The following AKAP7 variants were observed in gnomAD, a reference collection of about 807,000 sequenced individuals.
AKAP7 encodes the protein A-kinase anchoring protein 7.
Under a neutral mutation model 39.5 loss-of-function variants are expected in AKAP7, and 39 were observed. That is an observed-to-expected ratio of 0.99 (90% CI 0.76 to 1.29). AKAP7 has a LOEUF of 1.29. AKAP7 is among the 50% of genes most tolerant of loss of function. The pLI, the probability that AKAP7 is intolerant of heterozygous loss-of-function variation, is 0.00. For missense variants in AKAP7, 414 were observed against 407.7 expected, an observed-to-expected ratio of 1.02 and a Z score of -0.13; for synonymous variants, 140 against 139.1, an observed-to-expected ratio of 1.01 and a Z score of -0.05.
intron 7 of AKAP7, among the ~76,000 whole-genome samples, chr6:131,240,430 A>C (rs941049069): frequency 6.6e-6 from 1 of 152,192 alleles, no homozygotes; most frequent in African/African-American, 2.4e-5. Context: ...AGTCTCTTCA[A>C]AGCTGTCAGA....
chr6:131,224,730 C>CTTTTTT lies in AKAP7; in HGVS notation c.850+4946_850+4951dup, dbSNP rs779047229. ...GTTTGTAAAGTTTCCAGTTGATTCACTTTTTTTTTTTTTTTTTTTTTTTTT... is the reference window on the plus strand; with the variant it reads ...GTTTGTAAAGTTTCCAGTTGATTCACTTTTTTTTTTTTTTTTTTTTTTTTTTTTTTT... On this transcript the variant is annotated intron_variant, in intron 7 of 7. Coordinates refer to ENST00000431975, the MANE Select transcript of AKAP7 (RefSeq NM_016377.4). Among the ~76,000 whole-genome samples the CTTTTTT allele has an allele frequency of 1.3e-3, 72 of 55,110 alleles. 7 individuals are homozygous for CTTTTTT. The highest frequency in any genetic ancestry group is 4.8e-3 in the African/African-American group (66 of 13,686). The allele number at this position is 55,110 out of a possible 152,430, so 36.2% of individuals were successfully genotyped here. A position where few individuals can be genotyped will look rare whatever the true frequency, so the allele number is the denominator to read the frequency against.
intron 5 of AKAP7, among the ~76,000 whole-genome samples, chr6:131,171,648 C>A (rs916922862): frequency 4.6e-5 from 7 of 152,104 alleles, no homozygotes; most frequent in African/African-American, 1.7e-4. Context: ...AATGGGGTTG[C>A]AGAGCAATGC....
intron 5 of AKAP7, among the ~76,000 whole-genome samples, chr6:131,198,994 A>G (rs980650763): frequency 5.9e-5 from 9 of 152,202 alleles, no homozygotes; most frequent in African/African-American, 1.9e-4. Flanking sequence ...GACCTTGGGC[A>G]TTCAAAGATG....
At chr6:131,133,240 C>A (rs565105436), upstream of AKAP7, among the ~76,000 whole-genome samples, 2 of 152,070 alleles carry the variant, frequency 1.3e-5, no homozygotes, top group Non-Finnish European at 2.9e-5. Context: ...AGTTTTTCTT[C>A]CTCATTTTTT....
chr6:131,250,286 G>A (rs905739570), intron 7 of AKAP7: 8 of 1,216,104 alleles, frequency 6.6e-6, no homozygotes, highest in Admixed American at 3.6e-5. Flanking sequence ...TCACAGTTTT[G>A]TGAGAATACG....
rs759164462 is a variant in AKAP7 at position 131,160,129 on chromosome 6, G to C, written c.222G>C (p.Lys74Asn). ...AATGGGTCAAGAGTGATCAAGTAAA[G>C]AAGAGGAAAAAAAAGAGAAAAGATT... ...ENEWVKSDQVKKRKKKRKDYQ... is the reference protein window; with the variant it reads ...ENEWVKSDQVNKRKKKRKDYQ... The change falls in exon 3 of 8, where the codon AAG (lysine) becomes AAC (asparagine). Residue 74 changes from lysine (K) to asparagine (N), a missense_variant. Coordinates refer to ENST00000431975, the MANE Select transcript of AKAP7 (RefSeq NM_016377.4). 2 of 1,610,372 alleles carry C rather than the reference G, an allele frequency of 1.2e-6. No individual in the cohort carries two copies. Among genetic ancestry groups the C allele is most frequent in the Admixed American group, 3.4e-5 (2 of 59,050 alleles).
chr6:131,186,145 G>A (rs147311450), intron 5 of AKAP7, among the ~76,000 whole-genome samples: 5 of 152,282 alleles, frequency 3.3e-5, no homozygotes, highest in African/African-American at 9.6e-5. Flanking sequence ...TGGAGGTGGG[G>A]CCTTGTGGGA....
At chr6:131,213,263 T>A (rs9492865) in intron 6 of AKAP7, among the ~76,000 whole-genome samples, 42,735 of 151,974 alleles carry the variant, frequency 0.28, 6,487 homozygotes, top group Middle Eastern at 0.39. Flanking sequence ...ACGTTTTTTA[T>A]ACCAGTGAAT....
chr6:131,189,360 T>C (rs982811785), intron 5 of AKAP7, among the ~76,000 whole-genome samples: 12 of 152,246 alleles, frequency 7.9e-5, no homozygotes, highest in Non-Finnish European at 1.8e-4. Flanking sequence ...TTCTAGACTA[T>C]TCTTATTAAT....
intron 7 of AKAP7, among the ~76,000 whole-genome samples, chr6:131,254,442 C>G (rs960927964): frequency 2.6e-5 from 4 of 152,248 alleles, no homozygotes; most frequent in Admixed American, 6.5e-5. Flanking sequence ...TCTGGGTTAT[C>G]TATCTTATTA....
chr6:131,186,328 G>A (rs906996551), intron 5 of AKAP7, among the ~76,000 whole-genome samples: 9 of 152,124 alleles, frequency 5.9e-5, no homozygotes, highest in African/African-American at 2.2e-4. Flanking sequence ...AGCTTCCTGA[G>A]GCCTCCCCAG....
At chr6:131,280,258 G>T (rs745451923) in intron 7 of AKAP7, among the ~76,000 whole-genome samples, 1 of 152,110 alleles carries the variant, frequency 6.6e-6, no homozygotes, top group Admixed American at 6.5e-5. Context: ...GTTGCTAAGG[G>T]TTCCCACTAT....
chr6:131,273,467 T>C (rs1814460311), intron 7 of AKAP7, among the ~76,000 whole-genome samples: 1 of 152,210 alleles, frequency 6.6e-6, no homozygotes, highest in South Asian at 2.1e-4. Flanking sequence ...TCTCCATTAT[T>C]GGCTTATTTG....
At chr6:131,250,318 C>T (rs1173739082) in intron 7 of AKAP7, 3 of 1,297,736 alleles carry the variant, frequency 2.3e-6, no homozygotes, top group African/African-American at 3.0e-5. Context: ...CCACTTCCTT[C>T]ACTGAATGCC....
At chr6:131,235,176 C>T (rs1045002191) in intron 7 of AKAP7, among the ~76,000 whole-genome samples, 16 of 152,108 alleles carry the variant, frequency 1.1e-4, no homozygotes, top group South Asian at 2.1e-4. Flanking sequence ...TTTGTCCTTG[C>T]GATAGTTTGC....
intron 7 of AKAP7, among the ~76,000 whole-genome samples, chr6:131,222,300 C>T (rs770685258): frequency 7.2e-5 from 11 of 152,050 alleles, no homozygotes; most frequent in Admixed American, 6.5e-4. Flanking sequence ...CCAAGGCGGG[C>T]GGATCATAAG....
At chr6:131,209,600 A>T (rs1236233066) in intron 6 of AKAP7, among the ~76,000 whole-genome samples, 1 of 152,198 alleles carries the variant, frequency 6.6e-6, no homozygotes, top group African/African-American at 2.4e-5. Context: ...TTTAGAACTT[A>T]TATTAAAAGA....
intron 2 of AKAP7, among the ~76,000 whole-genome samples, chr6:131,158,141 G>T (rs1018789710): frequency 6.6e-6 from 1 of 152,144 alleles, no homozygotes; most frequent in African/African-American, 2.4e-5. Flanking sequence ...AATTATTTTT[G>T]CTCTGTGGTT....
At chr6:131,166,719 C>G (rs957903443) in intron 4 of AKAP7, among the ~76,000 whole-genome samples, 1 of 152,110 alleles carries the variant, frequency 6.6e-6, no homozygotes, top group African/African-American at 2.4e-5. Context: ...AAGGTGTGAC[C>G]TCACTTTGGG....
Sources: gnomAD v4.1 joint callset for allele counts (sites outside exome capture counted in the v4.1 genomes callset) on GRCh38, gnomAD v4.1.1 for gene constraint, MANE v1.5 for transcripts, NCBI Gene and HGNC (gene_info 2026-07-23, HGNC 2026-07-21) for gene names.